Variants in DNAI7 observed in about 807,000 individuals in gnomAD.
DNAI7 encodes dynein axonemal intermediate chain 7.
In DNAI7, 78 loss-of-function variants were observed where a neutral mutation model predicts 86.6. The observed-to-expected ratio is 0.90, with a 90% CI of 0.75 to 1.09. DNAI7 has a LOEUF of 1.09. Among genes scored for constraint, DNAI7 ranks in the 50% least tolerant of loss-of-function variants. The pLI, the probability that DNAI7 is intolerant of heterozygous loss-of-function variation, is 0.00. For synonymous variants in DNAI7, 274 were observed against 273.0 expected, an observed-to-expected ratio of 1.00 and a Z score of -0.04; for missense variants, 753 against 810.2, an observed-to-expected ratio of 0.93 and a Z score of 0.86.
intron 15 of DNAI7, among the ~76,000 whole-genome samples, chr12:25,109,505 G>C (rs746448855): frequency 6.6e-6 from 1 of 152,216 alleles, no homozygotes; most frequent in Admixed American, 6.5e-5. Flanking sequence ...TTCCACCTCA[G>C]CCTCCCAAGT....
chr12:25,145,508 CCTTAA>C (rs1433037590), intron 8 of DNAI7, among the ~76,000 whole-genome samples: 1 of 152,104 alleles, frequency 6.6e-6, no homozygotes, highest in African/African-American at 2.4e-5. Context: ...AGAGTTATTT[CCTTAA>C]CTTTTCTGTA....
intron 15 of DNAI7, among the ~76,000 whole-genome samples, chr12:25,109,090 G>T (rs1347925442): frequency 6.6e-6 from 1 of 152,018 alleles, no homozygotes; most frequent in Admixed American, 6.6e-5. Flanking sequence ...TAAGTGCTGG[G>T]GATATAACAG....
chr12:25,144,126 A>C (rs1944530077), intron 9 of DNAI7, among the ~76,000 whole-genome samples: 1 of 152,218 alleles, frequency 6.6e-6, no homozygotes, highest in Non-Finnish European at 1.5e-5. Context: ...TTGTGCACCT[A>C]ATATAAAAAT....
chr12:25,170,445 T>A (rs1186557849), intron 2 of DNAI7, among the ~76,000 whole-genome samples: 1 of 149,920 alleles, frequency 6.7e-6, no homozygotes, highest in East Asian at 2.0e-4. Context: ...TAAACATACA[T>A]GCACCTAACA....
chr12:25,150,693 C>T (rs1945435017), intron 6 of DNAI7, among the ~76,000 whole-genome samples: 2 of 151,856 alleles, frequency 1.3e-5, no homozygotes, highest in African/African-American at 4.8e-5. Flanking sequence ...ACCTATGATG[C>T]CTTCTTGCTG....
At chr12:25,167,467 T>G (rs939891489) in intron 2 of DNAI7, among the ~76,000 whole-genome samples, 10 of 152,146 alleles carry the variant, frequency 6.6e-5, no homozygotes, top group African/African-American at 2.4e-4. Flanking sequence ...TCACTCTTAT[T>G]ATCATTCCCA....
intron 9 of DNAI7, among the ~76,000 whole-genome samples, chr12:25,136,510 C>G (rs1444422857): frequency 6.6e-6 from 1 of 152,060 alleles, no homozygotes; most frequent in Non-Finnish European, 1.5e-5. Flanking sequence ...TTCTTTAACA[C>G]CCCCAAAAGA....
At chr12:25,109,650 T>C (rs1343488342) in intron 15 of DNAI7, among the ~76,000 whole-genome samples, 1 of 152,164 alleles carries the variant, frequency 6.6e-6, no homozygotes, top group East Asian at 1.9e-4. Flanking sequence ...AAACTTTATA[T>C]AATTTAGATT....
chr12:25,124,032 T>TTGTGTGTGTGTGTGTG (rs57454187), intron 9 of DNAI7, among the ~76,000 whole-genome samples: 20,653 of 144,420 alleles, frequency 0.14, 1,921 homozygotes, highest in East Asian at 0.24. Context: ...AGTATAAAAA[T>TTGTGTGTGTGTGTGTG]TGTGTGTGTG....
chr12:25,192,070 C>T (rs7312739), intron 1 of DNAI7, among the ~76,000 whole-genome samples: 75,553 of 152,038 alleles, frequency 0.5, 19,624 homozygotes, highest in East Asian at 0.8. Context: ...ATTCACTCGG[C>T]AGATATTAAT....
intron 2 of DNAI7, among the ~76,000 whole-genome samples, chr12:25,182,939 AAGGAAGGGAGGAAGGGAGGAAGGG>A (rs142570982): frequency 6.7e-6 from 1 of 149,368 alleles, no homozygotes; most frequent in South Asian, 2.1e-4. Context: ...AAAGGAATGA[AAGGAAGGGAGGAAGGGAGGAAGGG>A]AGGAAGGGAG....
At chr12:25,150,957 A>G (rs1945469487) in intron 6 of DNAI7, among the ~76,000 whole-genome samples, 1 of 152,236 alleles carries the variant, frequency 6.6e-6, no homozygotes, top group African/African-American at 2.4e-5. Flanking sequence ...TTCATTCTTC[A>G]TTATAACTCT....
At chr12:25,190,000 A>C (rs551650502) in intron 2 of DNAI7, among the ~76,000 whole-genome samples, 1 of 40,188 alleles carries the variant, frequency 2.5e-5, no homozygotes, top group East Asian at 9.2e-4. Context: ...AAAAAAAAAA[A>C]AAAAAAAAGC....
chr12:25,141,897 G>A (rs1180365272), intron 9 of DNAI7, among the ~76,000 whole-genome samples: 1 of 152,094 alleles, frequency 6.6e-6, no homozygotes, highest in African/African-American at 2.4e-5. Flanking sequence ...TGGATGGGGT[G>A]AAAAGAGAAC....
At chr12:25,186,345 C>A (rs1396400693) in intron 2 of DNAI7, among the ~76,000 whole-genome samples, 1 of 152,124 alleles carries the variant, frequency 6.6e-6, no homozygotes, top group Non-Finnish European at 1.5e-5. Flanking sequence ...ACTAATCTTT[C>A]TTCATTAAAA....
intron 9 of DNAI7, among the ~76,000 whole-genome samples, chr12:25,141,385 C>T (rs1244322825): frequency 1.3e-5 from 2 of 151,930 alleles, no homozygotes; most frequent in Non-Finnish European, 2.9e-5. Flanking sequence ...AATAATAATC[C>T]CATCAAAAAG....
intron 9 of DNAI7, among the ~76,000 whole-genome samples, chr12:25,129,085 T>C (rs187099633): frequency 4.9e-4 from 74 of 152,354 alleles, no homozygotes; most frequent in African/African-American, 1.3e-3. Context: ...TTCTGTTTTA[T>C]GACTTCTGCA....
intron 12 of DNAI7, among the ~76,000 whole-genome samples, chr12:25,117,157 C>T (rs546061291): frequency 6.6e-6 from 1 of 152,182 alleles, no homozygotes; most frequent in East Asian, 1.9e-4. Flanking sequence ...TGGTCTTGAA[C>T]TCCTGAGCTC....
intron 1 of DNAI7, chr12:25,194,773 C>T (rs1950885697): frequency 9.4e-7 from 1 of 1,065,662 alleles, no homozygotes; most frequent in Non-Finnish European, 1.4e-6. Flanking sequence ...TCTATCACTA[C>T]TGAAAGTTAC....
Sources: gnomAD v4.1 joint callset for allele counts (sites outside exome capture counted in the v4.1 genomes callset) on GRCh38, gnomAD v4.1.1 for gene constraint, MANE v1.5 for transcripts, NCBI Gene and HGNC (gene_info 2026-07-23, HGNC 2026-07-21) for gene names.